Variants in ATP5F1C observed in about 807,000 individuals in gnomAD.
ATP5F1C encodes ATP synthase F1 subunit gamma, also known as ATP synthase F(1) complex subunit gamma, mitochondrial.
Under a neutral mutation model 37.4 loss-of-function variants are expected in ATP5F1C, and 22 were observed. The ratio of observed to expected loss-of-function variants is 0.59; its 90% CI spans 0.42 to 0.84. The LOEUF (loss-of-function observed/expected upper bound fraction) is 0.84, where lower values mean the gene tolerates loss of function less well. Among genes scored for constraint, ATP5F1C ranks in the 40% least tolerant of loss-of-function variants. The pLI is 0.00. For missense variants in ATP5F1C, 286 were observed against 362.4 expected, an observed-to-expected ratio of 0.79 and a Z score of 1.71; for synonymous variants, 121 against 128.0, an observed-to-expected ratio of 0.95 and a Z score of 0.37.
chr10:7,806,005 G>C (rs1352413473), intron 8 of ATP5F1C, among the ~76,000 whole-genome samples: 1 of 152,210 alleles, frequency 6.6e-6, no homozygotes, highest in African/African-American at 2.4e-5. Context: ...AGGATTGCTT[G>C]AGCCCAGGAG....
intron 1 of ATP5F1C, 82 bp downstream of exon 1, chr10:7,788,345 C>CG: frequency 1.9e-6 from 3 of 1,557,686 alleles, no homozygotes; most frequent in Non-Finnish European, 2.6e-6. Context: ...GAGATGGGCG[C>CG]GGGGGCAGAT....
Position 7,799,686 on chromosome 10 carries a change from G to T in ATP5F1C, c.429-86G>T. On this transcript the variant is annotated intron_variant, in intron 4 of 9. Transcript: ENST00000356708. ...TACCCCAAAAGACCTGATCCATGGT[G>T]ACAATGTTTTCTCCTGCCTGTCCCC... 2.0e-6 allele frequency: 3 copies of T among 1,499,340 alleles called. No homozygotes were observed. In the South Asian group the frequency reaches 3.7e-5, roughly 18 times the overall value. 92.9% of individuals were successfully genotyped at this position (1,499,340 alleles called of 1,614,324 possible).
In ATP5F1C at chr10:7,799,837, A is replaced by G; in HGVS notation, c.494A>G (p.Asp165Gly). 1 of 1,614,198 alleles carries G rather than the reference A, an allele frequency of 6.2e-7. No individual in the cohort carries two copies. The highest frequency in any genetic ancestry group is 1.1e-5 in the South Asian group (1 of 91,084). Residue 165 changes from aspartate (D) to glycine (G), a missense_variant, in exon 5 of 10, where the codon GAT (aspartate) becomes GGT (glycine). Physicochemically the swap from Asp to Gly is moderately conservative, Grantham distance 94. Transcript: ENST00000356708. ...GGAAGAAAGCCCCCCACTTTTGGAG[A>G]TGCGTCAGTCATTGCCCTTGAATTA... is the stretch of plus-strand genomic sequence containing the variant. ...EVGRKPPTFG[D>G]ASVIALELLN...
chr10:7,804,167 T>C (rs770741305), intron 8 of ATP5F1C: 1 of 518,794 alleles, frequency 1.9e-6, no homozygotes, highest in Non-Finnish European at 3.8e-6. Context: ...AAAAGGAGAG[T>C]GATAGCGTGT....
rs759948088 is a variant in ATP5F1C at position 7,790,689 on chromosome 10, CTG to C, written c.56+2428_56+2429del. Among the ~76,000 whole-genome samples the C allele has an allele frequency of 1.1e-4, 16 of 152,338 alleles. No individual in the cohort carries two copies. The East Asian group carries it at 2.5e-3, about 24-fold the overall frequency. On this transcript the variant is annotated intron_variant, in intron 1 of 9. Transcript: ENST00000356708. The stretch of plus-strand genomic sequence containing the variant: ...GTAGTACTGTATGAAGAGAGAGACT[CTG>C]TAGCCAGCCCTGAAGGGCTGCATTC...
At chr10:7,789,265 A>G (rs1836115861) in intron 1 of ATP5F1C, among the ~76,000 whole-genome samples, 1 of 152,208 alleles carries the variant, frequency 6.6e-6, no homozygotes, top group South Asian at 2.1e-4. Context: ...CTAAGGCGCT[A>G]CAGTGCTAAA....
At chr10:7,791,461 T>A (rs1162074058) in intron 1 of ATP5F1C, among the ~76,000 whole-genome samples, 1 of 152,220 alleles carries the variant, frequency 6.6e-6, no homozygotes, top group Non-Finnish European at 1.5e-5. Flanking sequence ...GCTTGCTTTT[T>A]AAGTTTTTAT....
At chr10:7,790,001 C>A (rs1013036785) in intron 1 of ATP5F1C, among the ~76,000 whole-genome samples, 10 of 152,224 alleles carry the variant, frequency 6.6e-5, no homozygotes, top group African/African-American at 2.4e-4. Context: ...AATCATCAAT[C>A]AACAGTGTTC....
intron 1 of ATP5F1C, among the ~76,000 whole-genome samples, chr10:7,792,501 T>C (rs1401051899): frequency 6.6e-6 from 1 of 152,160 alleles, no homozygotes. Flanking sequence ...TTCACTGCCC[T>C]AAAAATCCCT....
At chr10:7,793,355 G>A (rs1026406487) in intron 1 of ATP5F1C, among the ~76,000 whole-genome samples, 1 of 152,128 alleles carries the variant, frequency 6.6e-6, no homozygotes, top group Non-Finnish European at 1.5e-5. Context: ...CTCGTGATCC[G>A]CCTGCCTCGG....
At chr10:7,799,369 A>T in intron 4 of ATP5F1C, 175 bp downstream of exon 4, 1 of 614,984 alleles carries the variant, frequency 1.6e-6, no homozygotes. Flanking sequence ...TCCAGGATAT[A>T]TTGGAACATT....
chr10:7,805,829 G>T (rs1300959967), intron 8 of ATP5F1C, among the ~76,000 whole-genome samples: 1 of 150,856 alleles, frequency 6.6e-6, no homozygotes, highest in Admixed American at 6.6e-5. Flanking sequence ...GCTCATGCTT[G>T]TAATCCCAGC....
intron 4 of ATP5F1C, chr10:7,799,413 T>G: frequency 1.8e-6 from 1 of 571,068 alleles, no homozygotes; most frequent in Non-Finnish European, 3.1e-6. Flanking sequence ...TACCTTTGCT[T>G]CTTCATCCGG....
intron 3 of ATP5F1C, among the ~76,000 whole-genome samples, chr10:7,797,949 C>T (rs1244423): frequency 0.36 from 54,480 of 151,926 alleles, 9,797 homozygotes; most frequent in South Asian, 0.46. Flanking sequence ...ATTATGAATT[C>T]ATCTTGGAAA....
At chr10:7,802,491 A>G in intron 7 of ATP5F1C, 66 bp downstream of exon 7, 1 of 1,544,572 alleles carries the variant, frequency 6.5e-7, no homozygotes, top group Non-Finnish European at 8.7e-7. Context: ...CTCAGCTGAG[A>G]GGAGTCCGTG....
At position 7,802,119 on chromosome 10, in the gene ATP5F1C, T is replaced by C. The variant is rs2131073239; in HGVS notation, c.638-151T>C. 5.2e-6 allele frequency: 4 copies of C among 768,418 alleles called. No individual in the cohort carries two copies. The South Asian group carries it at 9.0e-5, about 17-fold the overall frequency. The allele number at this position is 768,418 out of a possible 1,614,324, so 47.6% of individuals were successfully genotyped here. A position where few individuals can be genotyped will look rare whatever the true frequency, so the allele number is the denominator to read the frequency against. On this transcript the variant is annotated intron_variant, in intron 6 of 9. Transcript: ENST00000356708. ...TATGCTATCATCTGTAGTGTGGAAA[T>C]AGATGACATTATTAGAACAGATTCA...
chr10:7,800,140 G>T (rs1243371874), intron 6 of ATP5F1C, 49 bp downstream of exon 6: 1 of 1,533,928 alleles, frequency 6.5e-7, no homozygotes. Context: ...AGAATGGAGA[G>T]ATTTGTACAC....
chr10:7,796,845 A>G, intron 2 of ATP5F1C: 1 of 423,118 alleles, frequency 2.4e-6, no homozygotes, highest in Non-Finnish European at 4.1e-6. Flanking sequence ...CAGCCTCCCA[A>G]AGTGCTGGGA....
At position 7,802,379 on chromosome 10, in the gene ATP5F1C, G is replaced by A. The variant is rs899390208; in HGVS notation, c.747G>A (p.Glu249=). 1.2e-6 allele frequency: 2 copies of A among 1,614,074 alleles called. No individual in the cohort carries two copies. Among genetic ancestry groups the A allele is most frequent in the Non-Finnish European group, 1.7e-6 (2 of 1,180,014 alleles). The part of the protein sequence containing the change: ...YYSLKESTTS[E]QSARMTAMDN... Reference sequence around the variant, plus strand: ...CTCTGAAGGAGTCCACCACTAGTGAGCAGAGTGCCAGGATGACAGCCATGG... The same window carrying A: ...CTCTGAAGGAGTCCACCACTAGTGAACAGAGTGCCAGGATGACAGCCATGG... Residue 249 remains glutamate (E), a synonymous_variant, in exon 7 of 10, where the codon GAG becomes GAA. Transcript: ENST00000356708.
Sources: allele counts gnomAD v4.1 joint callset (sites outside exome capture counted in the v4.1 genomes callset), GRCh38; gene constraint gnomAD v4.1.1; transcripts MANE v1.5; gene names NCBI Gene and HGNC (gene_info 2026-07-23, HGNC 2026-07-21).